Variants in CTDSPL2 observed in about 807,000 individuals in gnomAD.
CTDSPL2 encodes the protein CTD small phosphatase like 2.
CTDSPL2 carries 5 observed loss-of-function variants against 60.0 expected under a neutral mutation model. That is an observed-to-expected ratio of 0.08 (90% confidence interval 0.04 to 0.18). The LOEUF (loss-of-function observed/expected upper bound fraction) is 0.18, where lower values mean the gene tolerates loss of function less well. Among genes scored for constraint, CTDSPL2 ranks in the 10% least tolerant of loss-of-function variants. The probability of loss-of-function intolerance (pLI) is 1.00; values close to 1 mark genes in which losing one functional copy is unlikely to be tolerated. For synonymous variants in CTDSPL2, 186 were observed against 189.3 expected, an observed-to-expected ratio of 0.98 and a Z score of 0.14; for missense variants, 370 against 548.8, an observed-to-expected ratio of 0.67 and a Z score of 3.26.
chr15:44,474,151 C>T (rs529552912), intron 2 of CTDSPL2, among the ~76,000 whole-genome samples: 67 of 152,096 alleles, frequency 4.4e-4, no homozygotes, highest in Non-Finnish European at 2.2e-4. Context: ...ATATAAAGGC[C>T]GAGATTTAAC....
chr15:44,432,866 C>T (rs565692713), intron 1 of CTDSPL2, among the ~76,000 whole-genome samples: 1 of 152,012 alleles, frequency 6.6e-6, no homozygotes, highest in Non-Finnish European at 1.5e-5. Flanking sequence ...GGATGATCCA[C>T]CTGCCTCGGT....
intron 5 of CTDSPL2, among the ~76,000 whole-genome samples, chr15:44,494,516 G>A (rs929645667): frequency 7.9e-5 from 12 of 152,132 alleles, no homozygotes; most frequent in African/African-American, 2.9e-4. Flanking sequence ...GGAGGCTGAG[G>A]AGGATTGCTG....
intron 7 of CTDSPL2, among the ~76,000 whole-genome samples, chr15:44,498,479 G>A (rs1320903164): frequency 1.3e-5 from 2 of 152,140 alleles, no homozygotes; most frequent in African/African-American, 2.4e-5. Context: ...CCAGCTACTC[G>A]GGAGGCCGAG....
At chr15:44,492,632 C>T (rs569044716) in intron 5 of CTDSPL2, among the ~76,000 whole-genome samples, 1 of 152,196 alleles carries the variant, frequency 6.6e-6, no homozygotes, top group African/African-American at 2.4e-5. Flanking sequence ...TATGAAACTT[C>T]TATATAATGC....
intron 6 of CTDSPL2, among the ~76,000 whole-genome samples, chr15:44,496,801 C>T (rs1044045647): frequency 6.6e-6 from 1 of 152,142 alleles, no homozygotes; most frequent in African/African-American, 2.4e-5. Flanking sequence ...GCAGAGGTTA[C>T]AGTGACCTGT....
chr15:44,523,881 A>T (rs1281335259), intron 12 of CTDSPL2, among the ~76,000 whole-genome samples: 1 of 152,240 alleles, frequency 6.6e-6, no homozygotes, highest in Non-Finnish European at 1.5e-5. Context: ...CCTGAGCAAC[A>T]GAGCAAGACT....
At chr15:44,510,770 G>C (rs750553387) in intron 8 of CTDSPL2, among the ~76,000 whole-genome samples, 1 of 152,154 alleles carries the variant, frequency 6.6e-6, no homozygotes, top group Non-Finnish European at 1.5e-5. Context: ...GCATTTGGAG[G>C]CATGTCTATG....
At chr15:44,495,488 G>T (rs1290990077) in intron 5 of CTDSPL2, among the ~76,000 whole-genome samples, 2 of 150,482 alleles carry the variant, frequency 1.3e-5, no homozygotes, top group Non-Finnish European at 3.0e-5. Flanking sequence ...GGCAGAGCCT[G>T]CAGTGAGCCA....
intron 5 of CTDSPL2, among the ~76,000 whole-genome samples, chr15:44,494,046 C>T (rs941150627): frequency 2.0e-5 from 3 of 152,006 alleles, no homozygotes; most frequent in Non-Finnish European, 4.4e-5. Context: ...TATTATCTAC[C>T]ATTTCATTTC....
At chr15:44,497,421 A>G (rs901807434) in intron 7 of CTDSPL2, among the ~76,000 whole-genome samples, 1 of 152,134 alleles carries the variant, frequency 6.6e-6, no homozygotes, top group Non-Finnish European at 1.5e-5. Context: ...GCTGGAGTGC[A>G]GTGGTGCGAT....
At position 44,445,561 on chromosome 15, in the gene CTDSPL2, C is replaced by T. The variant is rs2080193122; in HGVS notation, c.-24-13430C>T. 2.6e-5 allele frequency among the ~76,000 whole-genome samples: 4 copies of T among 151,890 alleles called. No individual in the cohort carries two copies. In the South Asian group the frequency reaches 8.3e-4, roughly 32 times the overall value. ...ACATAGGAGCTGCCCTGGAACTCTA[C>T]TCTGTATTTGTAACATTGTTTCTAT... is the stretch of plus-strand genomic sequence containing the variant. On this transcript the variant is annotated intron_variant, in intron 1 of 12. Coordinates refer to ENST00000260327, the MANE Select transcript of CTDSPL2 (RefSeq NM_016396.3).
intron 1 of CTDSPL2, among the ~76,000 whole-genome samples, chr15:44,429,373 A>G (rs1365531615): frequency 1.3e-5 from 2 of 152,210 alleles, no homozygotes; most frequent in African/African-American, 4.8e-5. Flanking sequence ...GGGATCTTAA[A>G]TCATTGGTCT....
At chr15:44,465,712 C>CTTTTTT (rs772862374) in intron 2 of CTDSPL2, among the ~76,000 whole-genome samples, 2 of 128,028 alleles carry the variant, frequency 1.6e-5, no homozygotes, top group East Asian at 2.2e-4. Flanking sequence ...TCCTCCTCCT[C>CTTTTTT]TTTTTTTTTT....
chr15:44,518,029 A>G (rs1163277555), intron 10 of CTDSPL2, among the ~76,000 whole-genome samples: 1 of 152,192 alleles, frequency 6.6e-6, no homozygotes, highest in Non-Finnish European at 1.5e-5. Flanking sequence ...CCTTTTTGCC[A>G]TACCAACTGG....
chr15:44,445,643 C>CTT (rs1022016361), intron 1 of CTDSPL2, among the ~76,000 whole-genome samples: 3 of 142,240 alleles, frequency 2.1e-5, no homozygotes, highest in Admixed American at 1.4e-4. Flanking sequence ...TTTTTTTTTG[C>CTT]TTTTTTTTTT....
At chr15:44,443,797 T>C (rs1418084598) in intron 1 of CTDSPL2, among the ~76,000 whole-genome samples, 1 of 152,232 alleles carries the variant, frequency 6.6e-6, no homozygotes, top group African/African-American at 2.4e-5. Context: ...GCTTTATGTA[T>C]TCTAGATAAG....
intron 2 of CTDSPL2, among the ~76,000 whole-genome samples, chr15:44,481,560 C>T (rs2081027404): frequency 6.6e-6 from 1 of 152,030 alleles, no homozygotes; most frequent in Non-Finnish European, 1.5e-5. Flanking sequence ...AGGCACAAGT[C>T]CTTTCACCTG....
intron 6 of CTDSPL2, among the ~76,000 whole-genome samples, 189 bp from the exon 7 acceptor site, chr15:44,496,838 A>G (rs2081309311): frequency 6.6e-6 from 1 of 152,246 alleles, no homozygotes; most frequent in African/African-American, 2.4e-5. Context: ...CTCAAAAACA[A>G]ACAAACAAAA....
chr15:44,471,416 ATTTAC>A (rs1230187174), intron 2 of CTDSPL2, among the ~76,000 whole-genome samples: 2 of 152,072 alleles, frequency 1.3e-5, no homozygotes, highest in Non-Finnish European at 1.5e-5. Flanking sequence ...AGAAGCTTTT[ATTTAC>A]TTATTATTTT....
Sources: allele counts gnomAD v4.1 joint callset (sites outside exome capture counted in the v4.1 genomes callset), GRCh38; gene constraint gnomAD v4.1.1; transcripts MANE v1.5; gene names NCBI Gene and HGNC (gene_info 2026-07-23, HGNC 2026-07-21).